SRL: variants seen among roughly 807,000 people sequenced by gnomAD.
SRL encodes the protein sarcalumenin.
In SRL, 23 loss-of-function variants were observed where a neutral mutation model predicts 39.5. The observed-to-expected ratio is 0.58, with a 90% CI of 0.42 to 0.82. SRL has a LOEUF of 0.82. Among genes scored for constraint, SRL ranks in the 40% least tolerant of loss-of-function variants. SRL has a pLI of 0.00. For missense variants in SRL, 592 were observed against 607.8 expected (o/e 0.97, Z 0.27); for synonymous variants, 272 against 237.4 (o/e 1.15, Z -1.34).
rs555999418 is a variant in SRL at position 4,210,486 on chromosome 16, C to CTTTTTTTT, written c.62-5860_62-5853dup. ...TTGGTAAAATGAGTATTACTCATAT[C>CTTTTTTTT]TTTTTTTTTTTTTTTTTTTTTGAGA... On this transcript the variant is annotated intron_variant, in intron 1 of 5. Coordinates refer to ENST00000399609, the MANE Select transcript of SRL (RefSeq NM_001098814.2). 4.6e-3 allele frequency among the ~76,000 whole-genome samples: 479 copies of CTTTTTTTT among 103,966 alleles called. 31 individuals are homozygous for CTTTTTTTT. Among genetic ancestry groups the CTTTTTTTT allele is most frequent in the African/African-American group, 6.9e-3 (169 of 24,422 alleles). 68.2% of individuals were successfully genotyped at this position (103,966 alleles called of 152,430 possible). A position where few individuals can be genotyped will look rare whatever the true frequency, so the allele number is the denominator to read the frequency against.
intron 1 of SRL, among the ~76,000 whole-genome samples, chr16:4,239,024 A>G (rs2052744151): frequency 6.6e-6 from 1 of 152,128 alleles, no homozygotes; most frequent in South Asian, 2.1e-4. Context: ...GCCCGGCTGC[A>G]CCAAATGAGG....
chr16:4,238,736 C>A (rs959771549), intron 1 of SRL, among the ~76,000 whole-genome samples: 4 of 152,030 alleles, frequency 2.6e-5, no homozygotes, highest in African/African-American at 4.8e-5. Flanking sequence ...GATCCTCCCC[C>A]CTCGGCCTCT....
At chr16:4,225,206 A>T (rs1046188299) in intron 1 of SRL, among the ~76,000 whole-genome samples, 1 of 152,220 alleles carries the variant, frequency 6.6e-6, no homozygotes, top group South Asian at 2.1e-4. Context: ...ATATCTGTGA[A>T]TATACTAAAA....
At chr16:4,238,513 G>A (rs926080689) in intron 1 of SRL, among the ~76,000 whole-genome samples, 6 of 152,164 alleles carry the variant, frequency 3.9e-5, no homozygotes, top group Non-Finnish European at 8.8e-5. Context: ...CTGAATTCCA[G>A]CTCTGGCCTG....
At chr16:4,210,146 C>G (rs148115299) in intron 1 of SRL, among the ~76,000 whole-genome samples, 4 of 152,306 alleles carry the variant, frequency 2.6e-5, no homozygotes, top group African/African-American at 9.6e-5. Flanking sequence ...TTCCTGGTCC[C>G]TTAGTGGGGG....
intron 1 of SRL, among the ~76,000 whole-genome samples, chr16:4,210,484 A>ACCTTT (rs1567181003): frequency 4.4e-5 from 3 of 68,790 alleles, no homozygotes; most frequent in African/African-American, 1.6e-4. Flanking sequence ...TATTACTCAT[A>ACCTTT]TCTTTTTTTT....
intron 1 of SRL, among the ~76,000 whole-genome samples, chr16:4,226,654 G>C (rs1159898364): frequency 6.6e-6 from 1 of 151,372 alleles, no homozygotes. Context: ...AGGAAGGAAG[G>C]GTGAATGGAA....
chr16:4,221,745 G>A (rs1297035507), intron 1 of SRL, among the ~76,000 whole-genome samples: 6 of 152,312 alleles, frequency 3.9e-5, no homozygotes, highest in South Asian at 2.1e-4. Context: ...GAGGCCAGAC[G>A]TCTCAAATCA....
At chr16:4,228,096 G>T (rs2052612253) in intron 1 of SRL, among the ~76,000 whole-genome samples, 1 of 152,254 alleles carries the variant, frequency 6.6e-6, no homozygotes, top group African/African-American at 2.4e-5. Flanking sequence ...AAGGAGGGCA[G>T]CCTGGGATTC....
intron 1 of SRL, chr16:4,207,546 GC>G (rs1269388375): frequency 1.1e-5 from 5 of 455,708 alleles, no homozygotes; most frequent in Non-Finnish European, 2.2e-5. Context: ...GGCCCCCTCT[GC>G]CTTTGGCTCT....
chr16:4,212,782 G>C (rs1163200896), intron 1 of SRL, among the ~76,000 whole-genome samples: 1 of 151,630 alleles, frequency 6.6e-6, no homozygotes, highest in East Asian at 1.9e-4. Context: ...TCTCCCACCA[G>C]CCCCTCTGCC....
intron 1 of SRL, among the ~76,000 whole-genome samples, chr16:4,228,235 A>T (rs62037575): frequency 1.3e-5 from 2 of 151,644 alleles, no homozygotes; most frequent in Non-Finnish European, 3.0e-5. Context: ...TCAGGAGTTC[A>T]AGATCAGCCT....
intron 1 of SRL, among the ~76,000 whole-genome samples, chr16:4,218,860 G>T (rs2052490107): frequency 6.6e-6 from 1 of 152,248 alleles, no homozygotes; most frequent in Non-Finnish European, 1.5e-5. Context: ...CAGAGCTAGG[G>T]CAGCAAGAAT....
intron 1 of SRL, among the ~76,000 whole-genome samples, chr16:4,217,931 A>C (rs541966390): frequency 2.5e-4 from 37 of 150,100 alleles, no homozygotes; most frequent in African/African-American, 8.3e-4. Context: ...TCTGCCAGGG[A>C]CTCCTCCTCC....
rs767983750 is a variant in SRL at position 4,192,790 on chromosome 16, G to A, written c.785C>T (p.Thr262Ile). ...CCCGTAAACCCGCATGAGCATTTGG[G>A]TGGCCAGATTGTCAGCCTTGTTCAG... The part of the protein sequence containing the change: ...IILNKADNLA[T>I]QMLMRVYGAL... The change falls in exon 6 of 6, where the codon ACC becomes ATC. Residue 262 changes from threonine (T) to isoleucine (I), a missense_variant. Coordinates refer to ENST00000399609, the MANE Select transcript of SRL (RefSeq NM_001098814.2). This position sits in a 1 kb window ranked among gnomAD's most constrained non-coding sequence, Gnocchi z 4.0. The A allele has an allele frequency of 1.9e-6, 3 of 1,614,186 alleles. No homozygotes were observed. The highest frequency in any genetic ancestry group is 2.2e-5 in the South Asian group (2 of 91,076).
At chr16:4,210,151 T>A (rs2052375091) in intron 1 of SRL, among the ~76,000 whole-genome samples, 1 of 152,190 alleles carries the variant, frequency 6.6e-6, no homozygotes, top group South Asian at 2.1e-4. Context: ...GGTCCCTTAG[T>A]GGGGGACAGG....
chr16:4,217,938 C>T (rs2052478565), intron 1 of SRL, among the ~76,000 whole-genome samples: 1 of 152,140 alleles, frequency 6.6e-6, no homozygotes, highest in Non-Finnish European at 1.5e-5. Context: ...GGGACTCCTC[C>T]TCCCTGGCTG....
intron 1 of SRL, among the ~76,000 whole-genome samples, chr16:4,221,770 C>T (rs2052533653): frequency 6.6e-6 from 1 of 152,210 alleles, no homozygotes; most frequent in Admixed American, 6.5e-5. Context: ...GCCAAGAGGG[C>T]CACCTCCTCT....
At chr16:4,215,655 A>G (rs775126690) in intron 1 of SRL, among the ~76,000 whole-genome samples, 2 of 152,090 alleles carry the variant, frequency 1.3e-5, no homozygotes, top group Non-Finnish European at 2.9e-5. Context: ...TAGGACAGTG[A>G]TTTCTTAGCC....
Sources: gnomAD v4.1 joint callset for allele counts (sites outside exome capture counted in the v4.1 genomes callset) on GRCh38, gnomAD v4.1.1 for gene constraint, Gnocchi (gnomAD v3.1) non-coding constraint, MANE v1.5 for transcripts, NCBI Gene and HGNC (gene_info 2026-07-23, HGNC 2026-07-21) for gene names.